Variants in ADGRG1 observed in about 807,000 individuals in gnomAD.
The protein encoded by ADGRG1 is adhesion G protein-coupled receptor G1.
ADGRG1 carries 53 observed loss-of-function variants against 73.5 expected under a neutral mutation model. The observed-to-expected ratio is 0.72, with a 90% CI of 0.58 to 0.91. The LOEUF is 0.91. Among genes scored for constraint, ADGRG1 ranks in the 40% least tolerant of loss-of-function variants. The pLI is 0.00. For synonymous variants in ADGRG1, 394 were observed against 374.4 expected, an observed-to-expected ratio of 1.05 and a Z score of -0.60; for missense variants, 795 against 871.8, an observed-to-expected ratio of 0.91 and a Z score of 1.11.
In ADGRG1 at chr16:57,647,035, G is replaced by A. The variant is rs374925024; in HGVS notation, c.-35-3218G>A. 2.7e-5 allele frequency: 22 copies of A among 814,044 alleles called. No homozygotes were observed. The South Asian group carries it at 8.8e-4, about 32-fold the overall frequency. The allele number at this position is 814,044 out of a possible 1,614,324, so 50.4% of individuals were successfully genotyped here. A position where few individuals can be genotyped will look rare whatever the true frequency, so the allele number is the denominator to read the frequency against. ...CAGGTCAGGTCCCAGGGGTCTGTGC[G>A]GAGACTCATGCTACATCCCTGGCGC... On this transcript the variant is annotated intron_variant, in intron 1 of 13. Transcript: ENST00000562631.
At chr16:57,650,167 C>T in intron 1 of ADGRG1, 86 bp from the exon 2 acceptor site, 1 of 1,568,830 alleles carries the variant, frequency 6.4e-7, no homozygotes, top group Middle Eastern at 1.7e-4. Flanking sequence ...CTCCCACATC[C>T]ATGCCACACT....
intron 10 of ADGRG1, among the ~76,000 whole-genome samples, chr16:57,658,364 G>A (rs1331796286): frequency 3.3e-5 from 5 of 152,250 alleles, no homozygotes; most frequent in Non-Finnish European, 7.3e-5. Flanking sequence ...CAAGGAAGTG[G>A]CAGAGGTCAG....
intron 1 of ADGRG1, among the ~76,000 whole-genome samples, chr16:57,644,759 C>T (rs2042030660): frequency 7.1e-6 from 1 of 141,478 alleles, no homozygotes; most frequent in Non-Finnish European, 1.5e-5. Flanking sequence ...CACGGGCACA[C>T]ACCCATGCAC....
intron 1 of ADGRG1, chr16:57,646,790 C>G: frequency 1.2e-6 from 1 of 845,498 alleles, no homozygotes; most frequent in Non-Finnish European, 1.4e-6. Flanking sequence ...GCAGTGAGAC[C>G]CGTATCACAG....
intron 1 of ADGRG1, chr16:57,631,135 C>A (rs776704123): frequency 2.0e-6 from 2 of 985,822 alleles, no homozygotes; most frequent in Middle Eastern, 1.0e-3. Context: ...AGCTTGGGAG[C>A]AGCTTCACGT....
At chr16:57,641,887 T>C (rs895282977) in intron 1 of ADGRG1, 2 of 175,506 alleles carry the variant, frequency 1.1e-5, no homozygotes, top group African/African-American at 4.8e-5. Flanking sequence ...CTTTTCTTTT[T>C]TTTGTTAATT....
intron 1 of ADGRG1, chr16:57,629,037 TGTGAGTGA>T (rs753983334): frequency 4.4e-5 from 21 of 475,528 alleles, no homozygotes; most frequent in Non-Finnish European, 5.2e-5. Context: ...AGTGTGAGAG[TGTGAGTGA>T]GTGTGTGTGA....
At chr16:57,651,069 T>C in intron 2 of ADGRG1, 131 bp from the exon 3 acceptor site, 1 of 1,583,604 alleles carries the variant, frequency 6.3e-7, no homozygotes, top group Non-Finnish European at 8.5e-7. Flanking sequence ...CTAACACATT[T>C]TTGTAGACCC....
chr16:57,632,707 G>A (rs773716279), intron 1 of ADGRG1: 47 of 879,320 alleles, frequency 5.3e-5, no homozygotes, highest in African/African-American at 7.3e-5. Context: ...TGGCGCCTGC[G>A]CAGGCTCAGG....
At chr16:57,621,231 G>C (rs142654134) in intron 1 of ADGRG1, 1 of 152,144 alleles carries the variant, frequency 6.6e-6, no homozygotes, top group Non-Finnish European at 1.5e-5. Flanking sequence ...CAGGACTTAG[G>C]GGGAGACCCT....
upstream of ADGRG1, chr16:57,628,358 G>A: frequency 5.3e-6 from 2 of 378,322 alleles, no homozygotes; most frequent in Non-Finnish European, 7.3e-6. Context: ...AGGAAGCAGA[G>A]TGATCCCCGG....
chr16:57,663,503 G>A lies in ADGRG1; in HGVS notation c.1985G>A (p.Gly662Asp), dbSNP rs2047780487. The A allele has an allele frequency of 6.2e-7, 1 of 1,613,878 alleles. No individual in the cohort carries two copies. The highest frequency in any genetic ancestry group is 2.2e-5 in the East Asian group (1 of 44,874). Residue 662 changes from glycine to aspartate, a missense_variant, in exon 14 of 14, where the codon GGC becomes GAC. Gly to Asp is a moderately conservative substitution (Grantham distance 94). Coordinates refer to ENST00000562631, the MANE Select transcript of ADGRG1 (RefSeq NM_201525.4). ...YWSMRLQARG[G>D]PSPLKSNSDS... ...TCCATGCGGCTGCAGGCCCGGGGTG[G>A]CCCCTCCCCTCTGAAGAGCAACTCA... is the stretch of plus-strand genomic sequence containing the variant.
Position 57,659,681 on chromosome 16 carries a change from G to T in ADGRG1, c.1555G>T (p.Gly519Cys). 1 of 1,613,644 alleles carries T rather than the reference G, an allele frequency of 6.2e-7. No individual in the cohort carries two copies. Residue 519 changes from glycine to cysteine, a missense_variant and splice_region_variant, in exon 11 of 14, where the codon GGC becomes TGC. Transcript: ENST00000562631. ...YLLKLSAMGW[G>C]FPIFLVTLVA... is the part of the protein sequence containing the mutation. Reference sequence around the variant, plus strand: ...ACTCAAGCTGAGCGCCATGGGCTGGGGTAAGTGGTTGGGCGGGGGGTGCCT... The same window carrying T: ...ACTCAAGCTGAGCGCCATGGGCTGGTGTAAGTGGTTGGGCGGGGGGTGCCT...
intron 1 of ADGRG1, chr16:57,629,097 A>C (rs1324948316): frequency 3.8e-6 from 3 of 799,398 alleles, no homozygotes; most frequent in Non-Finnish European, 4.5e-6. Flanking sequence ...TGTGAGTGTA[A>C]GTGTGGATGT....
chr16:57,648,679 G>C lies in ADGRG1; in HGVS notation c.-35-1574G>C, dbSNP rs77189850. 1.2e-4 allele frequency: 115 copies of C among 984,374 alleles called. No individual in the cohort carries two copies. The South Asian group carries it at 4.7e-3, about 40-fold the overall frequency. 61.0% of individuals were successfully genotyped at this position (984,374 alleles called of 1,614,324 possible). A position where few individuals can be genotyped will look rare whatever the true frequency, so the allele number is the denominator to read the frequency against. The stretch of plus-strand genomic sequence containing the variant: ...GGTTTCTCTTAAACTCAGACTCCAC[G>C]TGTGTTCTCCGGCTTGTGGCCGATG... On this transcript the variant is annotated intron_variant, in intron 1 of 13. Transcript: ENST00000562631.
intron 5 of ADGRG1, chr16:57,655,124 G>A (rs2045344655): frequency 2.4e-5 from 24 of 985,206 alleles, no homozygotes; most frequent in Non-Finnish European, 2.8e-5. Flanking sequence ...GGCAGAGCTG[G>A]CATCTGAAGC....
At chr16:57,651,773 G>C in intron 3 of ADGRG1, 151 bp downstream of exon 3, 1 of 1,507,102 alleles carries the variant, frequency 6.6e-7, no homozygotes, top group Non-Finnish European at 8.9e-7. Flanking sequence ...GTCTGAGGAG[G>C]GGAGGAGTGT....
rs373133040 is a variant in ADGRG1, at chr16:57,651,597, C to T, written c.462C>T (p.Ala154=). Residue 154 remains alanine, a synonymous_variant, in exon 3 of 14, where the codon GCC becomes GCT. Transcript: ENST00000562631. ...CTCAGAACATCAGCCTGCCCAGTGC[C>T]GCCAGCTTCACCTTCTCCTTCCACA... ...WSPQNISLPS[A]ASFTFSFHSP... The T allele has an allele frequency of 6.3e-5, 102 of 1,613,786 alleles. No homozygotes were observed. The highest frequency in any genetic ancestry group is 2.7e-4 in the African/African-American group (20 of 74,922).
At chr16:57,632,477 C>A in intron 1 of ADGRG1, 1 of 310,836 alleles carries the variant, frequency 3.2e-6, no homozygotes, top group Non-Finnish European at 4.7e-6. Flanking sequence ...CTTTCCCATA[C>A]GTGGGAATGT....
Sources: gnomAD v4.1 joint callset for allele counts (sites outside exome capture counted in the v4.1 genomes callset) on GRCh38, gnomAD v4.1.1 for gene constraint, MANE v1.5 for transcripts, NCBI Gene and HGNC (gene_info 2026-07-23, HGNC 2026-07-21) for gene names.